The following YAF2 variants were observed in gnomAD, a reference collection of about 807,000 sequenced individuals.
YAF2 encodes YY1-associated factor 2.
YAF2 carries 7 observed loss-of-function variants against 20.1 expected under a neutral mutation model. The observed-to-expected ratio is 0.35, with a 90% CI of 0.20 to 0.65. The LOEUF is 0.65. Ranked by LOEUF, YAF2 falls within the 30% of genes least tolerant of loss-of-function variation. The pLI, the probability that YAF2 is intolerant of heterozygous loss-of-function variation, is 0.69. For missense variants in YAF2, 151 were observed against 219.2 expected (o/e 0.69, Z 1.96); for synonymous variants, 74 against 76.0 (o/e 0.97, Z 0.14).
chr12:42,189,847 A>G (rs80233023), intron 2 of YAF2, among the ~76,000 whole-genome samples: 2,284 of 152,296 alleles, frequency 0.015, 54 homozygotes, highest in African/African-American at 0.052. Context: ...GTCTAAGACA[A>G]GCACATTTTG....
At chr12:42,217,909 G>T (rs552710347) in intron 2 of YAF2, among the ~76,000 whole-genome samples, 32 of 152,202 alleles carry the variant, frequency 2.1e-4, no homozygotes, top group Non-Finnish European at 4.1e-4. Context: ...TGAAATTGTG[G>T]AGGATGGGGA....
At position 42,160,175 on chromosome 12, in the gene YAF2, A is replaced by T. The variant is rs1198651089; in HGVS notation, c.*414T>A. 6.1e-6 allele frequency: 1 copy of T among 164,884 alleles called. No homozygotes were observed. The highest frequency in any genetic ancestry group is 1.3e-5 in the Non-Finnish European group (1 of 75,124). 10.2% of individuals were successfully genotyped at this position (164,884 alleles called of 1,614,324 possible). On this transcript the variant is annotated 3_prime_UTR_variant, in exon 4 of 4. Transcript: ENST00000534854. ...ATAGTTAAGTTGTTCTTTGACTTGTATACATATAACTATCTGTTTCACAAT... is the reference window on the plus strand; with the variant it reads ...ATAGTTAAGTTGTTCTTTGACTTGTTTACATATAACTATCTGTTTCACAAT...
Position 42,210,699 on chromosome 12 carries a change from T to G in YAF2, c.152+26900A>C, listed in dbSNP as rs1487945086. On this transcript the variant is annotated intron_variant, in intron 2 of 3. Transcript: ENST00000534854. ...TTCTTCTCTATCAGAATAAGAAGAT[T>G]ATTTCATTTTATTTGAGATTATTAT... 7 of 1,523,946 alleles carry G rather than the reference T, an allele frequency of 4.6e-6. No individual in the cohort carries two copies. The East Asian group carries it at 1.7e-4, about 37-fold the overall frequency. 94.4% of individuals were successfully genotyped at this position (1,523,946 alleles called of 1,614,324 possible). A position where few individuals can be genotyped will look rare whatever the true frequency, so the allele number is the denominator to read the frequency against.
At chr12:42,193,422 T>C (rs1235036188) in intron 2 of YAF2, among the ~76,000 whole-genome samples, 1 of 152,196 alleles carries the variant, frequency 6.6e-6, no homozygotes, top group Non-Finnish European at 1.5e-5. Flanking sequence ...TATTTTTTAT[T>C]GCTATTTCAG....
intron 2 of YAF2, among the ~76,000 whole-genome samples, chr12:42,205,099 A>T (rs1484102614): frequency 6.6e-6 from 1 of 151,186 alleles, no homozygotes; most frequent in Non-Finnish European, 1.5e-5. Flanking sequence ...AATTTATTAC[A>T]GCTTCAATTT....
At chr12:42,197,623 A>C (rs2066788278) in intron 2 of YAF2, among the ~76,000 whole-genome samples, 1 of 152,218 alleles carries the variant, frequency 6.6e-6, no homozygotes, top group Admixed American at 6.5e-5. Context: ...GTGGTGTAAC[A>C]AAGAGGTAGG....
chr12:42,165,808 C>T (rs547512640), intron 2 of YAF2, among the ~76,000 whole-genome samples: 2 of 134,952 alleles, frequency 1.5e-5, no homozygotes, highest in Admixed American at 1.6e-4. Flanking sequence ...ATGTAACTAA[C>T]TCCTCATCAA....
intron 2 of YAF2, among the ~76,000 whole-genome samples, chr12:42,228,197 G>T (rs1227641630): frequency 1.0e-5 from 1 of 99,206 alleles, no homozygotes; most frequent in Non-Finnish European, 2.1e-5. Flanking sequence ...GGAGGGAGGT[G>T]GGGGGGTCGG....
intron 2 of YAF2, among the ~76,000 whole-genome samples, chr12:42,193,140 C>A (rs2066658585): frequency 1.3e-5 from 2 of 152,130 alleles, no homozygotes; most frequent in Admixed American, 6.5e-5. Context: ...CATGGTGAAA[C>A]CCTGTCTCTC....
intron 1 of YAF2, 139 bp downstream of exon 1, chr12:42,238,016 G>A: frequency 1.9e-6 from 1 of 523,234 alleles, no homozygotes; most frequent in Non-Finnish European, 2.6e-6. Flanking sequence ...GCCCCCTCAA[G>A]CGGCAGCACT....
chr12:42,238,077 G>T, intron 1 of YAF2, 78 bp downstream of exon 1: 1 of 1,243,116 alleles, frequency 8.0e-7, no homozygotes, highest in Non-Finnish European at 1.0e-6. Context: ...CGGGCGGCTA[G>T]CGAGGCGGCC....
chr12:42,210,341 AC>A, intron 2 of YAF2: 1 of 1,493,422 alleles, frequency 6.7e-7, no homozygotes, highest in Non-Finnish European at 8.9e-7. Context: ...GTTTGTGAAA[AC>A]TAGATTACTT....
chr12:42,237,811 G>GC, intron 1 of YAF2, 87 bp from the exon 2 acceptor site: 1 of 881,374 alleles, frequency 1.1e-6, no homozygotes, highest in Non-Finnish European at 1.3e-6. Flanking sequence ...CCCCCGCCCC[G>GC]CCCCCCGCCC....
Position 42,159,331 on chromosome 12 carries a change from T to G in YAF2, c.*1258A>C, listed in dbSNP as rs1266618385. The G allele has an allele frequency of 1.3e-5, 2 of 152,110 alleles. No individual in the cohort carries two copies. The highest frequency in any genetic ancestry group is 2.9e-5 in the Non-Finnish European group (2 of 67,962). The allele number at this position is 152,110 out of a possible 1,614,324, so 9.4% of individuals were successfully genotyped here. A position where few individuals can be genotyped will look rare whatever the true frequency, so the allele number is the denominator to read the frequency against. On this transcript the variant is annotated 3_prime_UTR_variant, in exon 4 of 4. Transcript: ENST00000534854. ...GGTAGATATATATTAAGCAAATGGT[T>G]AAGAGAAAGCAGGAGACCCCAGGAG...
chr12:42,236,837 G>C (rs1216616539), intron 2 of YAF2, among the ~76,000 whole-genome samples: 1 of 152,180 alleles, frequency 6.6e-6, no homozygotes, highest in Non-Finnish European at 1.5e-5. Context: ...GACAGATTAA[G>C]AATGCCACTG....
chr12:42,162,566 G>A (rs1342890867), intron 2 of YAF2, among the ~76,000 whole-genome samples: 1 of 152,150 alleles, frequency 6.6e-6, no homozygotes, highest in Non-Finnish European at 1.5e-5. Context: ...GCAGAGGGAA[G>A]GAGGGAAGAA....
intron 2 of YAF2, among the ~76,000 whole-genome samples, chr12:42,207,752 G>A (rs561873104): frequency 9.9e-5 from 15 of 152,136 alleles, no homozygotes; most frequent in East Asian, 1.9e-4. Flanking sequence ...TTAGCCGGGC[G>A]TCGTGGCGGG....
At chr12:42,202,960 C>T (rs2066939716) in intron 2 of YAF2, among the ~76,000 whole-genome samples, 1 of 151,942 alleles carries the variant, frequency 6.6e-6, no homozygotes, top group Admixed American at 6.6e-5. Flanking sequence ...TTTTTAAATT[C>T]ATCTTGACAT....
At chr12:42,186,653 G>A (rs974680306) in intron 2 of YAF2, among the ~76,000 whole-genome samples, 6 of 151,754 alleles carry the variant, frequency 4.0e-5, no homozygotes, top group African/African-American at 1.2e-4. Context: ...CTCTAGCATG[G>A]GTGACAAAAG....
Sources: gnomAD v4.1 joint callset for allele counts (sites outside exome capture counted in the v4.1 genomes callset) on GRCh38, gnomAD v4.1.1 for gene constraint, MANE v1.5 for transcripts, NCBI Gene and HGNC (gene_info 2026-07-23, HGNC 2026-07-21) for gene names.